The following RPN2 variants were observed in gnomAD, a reference collection of about 807,000 sequenced individuals.
The protein encoded by RPN2 is ribophorin II.
In RPN2, 29 loss-of-function variants were observed where a neutral mutation model predicts 71.4. That is an observed-to-expected ratio of 0.41 (90% CI 0.30 to 0.55). The LOEUF (loss-of-function observed/expected upper bound fraction) is 0.55, where lower values mean the gene tolerates loss of function less well. Among genes scored for constraint, RPN2 ranks in the 20% least tolerant of loss-of-function variants. RPN2 has a pLI of 0.35. For missense variants in RPN2, 726 were observed against 774.1 expected (o/e 0.94, Z 0.74); for synonymous variants, 308 against 305.0 (o/e 1.01, Z -0.10).
intron 9 of RPN2, among the ~76,000 whole-genome samples, chr20:37,216,860 C>T (rs1464129794): frequency 1.3e-5 from 2 of 152,024 alleles, no homozygotes; most frequent in Non-Finnish European, 2.9e-5. Flanking sequence ...TATTTTACAC[C>T]CTTTTCTATA....
chr20:37,179,756 C>T (rs1002551085), intron 1 of RPN2, among the ~76,000 whole-genome samples: 1 of 152,220 alleles, frequency 6.6e-6, no homozygotes, highest in Non-Finnish European at 1.5e-5. Context: ...GCAGATTGTC[C>T]TTCTTTGTGC....
intron 2 of RPN2, among the ~76,000 whole-genome samples, chr20:37,189,672 G>T (rs6103966): frequency 6.6e-6 from 1 of 152,144 alleles, no homozygotes; most frequent in Non-Finnish European, 1.5e-5. Context: ...TCAAAAGTAA[G>T]AGTATACCCA....
chr20:37,200,544 T>G (rs755981974), intron 4 of RPN2: 1 of 508,444 alleles, frequency 2.0e-6, no homozygotes, highest in Non-Finnish European at 4.0e-6. Flanking sequence ...GTTTCCCAGG[T>G]TTTTTTGTTT....
At chr20:37,197,819 A>G (rs2067286717) in intron 2 of RPN2, among the ~76,000 whole-genome samples, 2 of 151,562 alleles carry the variant, frequency 1.3e-5, no homozygotes, top group African/African-American at 2.4e-5. Context: ...GCTGGTCTCA[A>G]CTCCTGAGCT....
intron 2 of RPN2, among the ~76,000 whole-genome samples, chr20:37,192,305 A>G (rs1171627426): frequency 6.6e-6 from 1 of 152,234 alleles, no homozygotes; most frequent in Non-Finnish European, 1.5e-5. Context: ...GTAATCATTT[A>G]TGGAGCATCT....
chr20:37,212,700 C>T (rs2067703563), intron 8 of RPN2, among the ~76,000 whole-genome samples: 1 of 151,938 alleles, frequency 6.6e-6, no homozygotes, highest in Non-Finnish European at 1.5e-5. Context: ...AGGCTGGTTT[C>T]GAACTCCTGA....
chr20:37,205,600 G>A (rs1382940101), intron 6 of RPN2, among the ~76,000 whole-genome samples: 1 of 152,098 alleles, frequency 6.6e-6, no homozygotes, highest in Non-Finnish European at 1.5e-5. Flanking sequence ...ATTTCTTTAT[G>A]CATTATGAGT....
chr20:37,220,394 C>T (rs2067922621), intron 9 of RPN2, among the ~76,000 whole-genome samples: 1 of 152,308 alleles, frequency 6.6e-6, no homozygotes, highest in East Asian at 1.9e-4. Flanking sequence ...TAATAGCCCT[C>T]ATTGACATTG....
chr20:37,184,065 C>T (rs1277605801), intron 1 of RPN2, 115 bp from the exon 2 acceptor site: 2 of 1,257,892 alleles, frequency 1.6e-6, no homozygotes, highest in African/African-American at 1.5e-5. Flanking sequence ...CCCCTGGATT[C>T]CCTCGCCCTT....
At chr20:37,214,906 G>A (rs920313170) in intron 9 of RPN2, among the ~76,000 whole-genome samples, 1 of 152,072 alleles carries the variant, frequency 6.6e-6, no homozygotes, top group East Asian at 1.9e-4. Flanking sequence ...GATGTTGTCT[G>A]TAATAGTTAT....
intron 14 of RPN2, among the ~76,000 whole-genome samples, chr20:37,233,067 T>C (rs2068293259): frequency 6.6e-6 from 1 of 151,074 alleles, no homozygotes; most frequent in South Asian, 2.1e-4. Flanking sequence ...ATCAGAAAAT[T>C]AGAAAAAAAA....
chr20:37,200,457 AG>A (rs774921039), intron 4 of RPN2: 1 of 532,878 alleles, frequency 1.9e-6, no homozygotes, highest in South Asian at 1.4e-5. Flanking sequence ...GAGGGTGTGG[AG>A]CACCGTTCTG....
chr20:37,185,604 A>T (rs1393948274), intron 2 of RPN2, among the ~76,000 whole-genome samples: 1 of 152,110 alleles, frequency 6.6e-6, no homozygotes, highest in Non-Finnish European at 1.5e-5. Flanking sequence ...ATTGGCTTAT[A>T]TGGCTTATAG....
intron 6 of RPN2, among the ~76,000 whole-genome samples, chr20:37,206,909 C>G (rs1156454904): frequency 6.6e-6 from 1 of 152,030 alleles, no homozygotes. Flanking sequence ...GGGTTTTTCT[C>G]TATGTTAGTC....
At chr20:37,220,355 A>G (rs1344253696) in intron 9 of RPN2, among the ~76,000 whole-genome samples, 4 of 152,184 alleles carry the variant, frequency 2.6e-5, no homozygotes. Context: ...GTCAGAGTGC[A>G]TTAACGGTGG....
chr20:37,236,839 C>A, intron 16 of RPN2, 130 bp downstream of exon 16: 1 of 895,580 alleles, frequency 1.1e-6, no homozygotes, highest in Non-Finnish European at 1.8e-6. Context: ...CCTAATCTAG[C>A]CCAGTACAGA....
At chr20:37,212,358 A>G (rs1202862869) in intron 8 of RPN2, among the ~76,000 whole-genome samples, 1 of 152,214 alleles carries the variant, frequency 6.6e-6, no homozygotes, top group African/African-American at 2.4e-5. Context: ...AGGTTGAGGC[A>G]GGAAGATCAT....
chr20:37,195,604 A>T (rs1289387851), intron 2 of RPN2, among the ~76,000 whole-genome samples: 1 of 152,222 alleles, frequency 6.6e-6, no homozygotes, highest in Non-Finnish European at 1.5e-5. Flanking sequence ...TGAGAAATGC[A>T]CATAAAGCAC....
intron 15 of RPN2, among the ~76,000 whole-genome samples, chr20:37,235,098 G>C (rs1442825957): frequency 6.6e-6 from 1 of 152,138 alleles, no homozygotes; most frequent in Non-Finnish European, 1.5e-5. Context: ...GCAAATGTCT[G>C]TATTTTTCTG....
Sources: allele counts gnomAD v4.1 joint callset (sites outside exome capture counted in the v4.1 genomes callset), GRCh38; gene constraint gnomAD v4.1.1; transcripts MANE v1.5; gene names NCBI Gene and HGNC (gene_info 2026-07-23, HGNC 2026-07-21).